Variants in GRIN3A observed in about 807,000 individuals in gnomAD.
The protein encoded by GRIN3A is glutamate receptor ionotropic, NMDA 3A.
In GRIN3A, 47 loss-of-function variants were observed where a neutral mutation model predicts 92.4. The ratio of observed to expected loss-of-function variants is 0.51; its 90% CI spans 0.40 to 0.65. The LOEUF (loss-of-function observed/expected upper bound fraction) is 0.65. Among genes scored for constraint, GRIN3A ranks in the 30% least tolerant of loss-of-function variants. The probability of loss-of-function intolerance (pLI) is 0.00; values close to 1 mark genes in which losing one functional copy is unlikely to be tolerated. For synonymous variants in GRIN3A, 527 were observed against 540.6 expected (o/e 0.97, Z 0.35); for missense variants, 1,324 against 1,393.1 (o/e 0.95, Z 0.79).
At chr9:101,656,869 A>C (rs1392307966) in intron 3 of GRIN3A, among the ~76,000 whole-genome samples, 3 of 151,896 alleles carry the variant, frequency 2.0e-5, no homozygotes, top group Non-Finnish European at 4.4e-5. Flanking sequence ...CAGGGATTTG[A>C]ATCTTGGCAG....
intron 1 of GRIN3A, among the ~76,000 whole-genome samples, chr9:101,732,634 G>GA (rs1318417417): frequency 6.6e-5 from 10 of 152,096 alleles, no homozygotes; most frequent in Middle Eastern, 3.2e-3. Flanking sequence ...GGTGTAAGGG[G>GA]AATGCAAACA....
chr9:101,719,508 T>C (rs551828292), intron 1 of GRIN3A, among the ~76,000 whole-genome samples: 39 of 152,170 alleles, frequency 2.6e-4, no homozygotes, highest in African/African-American at 7.7e-4. Flanking sequence ...TTAGGAGCCA[T>C]TGAAATACTG....
chr9:101,668,556 G>A (rs1267781317), intron 3 of GRIN3A, among the ~76,000 whole-genome samples: 1 of 152,110 alleles, frequency 6.6e-6, no homozygotes, highest in Non-Finnish European at 1.5e-5. Flanking sequence ...GAATGCAGAA[G>A]CATCACCAAC....
intron 3 of GRIN3A, among the ~76,000 whole-genome samples, chr9:101,660,928 A>G (rs1829164319): frequency 6.6e-6 from 1 of 151,862 alleles, no homozygotes; most frequent in Non-Finnish European, 1.5e-5. Flanking sequence ...TTTACTGAAT[A>G]TTTACTGTTC....
chr9:101,684,017 T>C (rs570766939), intron 2 of GRIN3A, among the ~76,000 whole-genome samples: 3 of 152,146 alleles, frequency 2.0e-5, no homozygotes, highest in African/African-American at 7.2e-5. Flanking sequence ...AAACAGAAAG[T>C]TACTTTTCTT....
chr9:101,682,810 G>A (rs936088891), intron 2 of GRIN3A, among the ~76,000 whole-genome samples: 1 of 151,988 alleles, frequency 6.6e-6, no homozygotes, highest in Non-Finnish European at 1.5e-5. Flanking sequence ...GTGAAACCCC[G>A]TCTCTACTAA....
At chr9:101,719,444 G>C (rs1375156757) in intron 1 of GRIN3A, among the ~76,000 whole-genome samples, 1 of 151,332 alleles carries the variant, frequency 6.6e-6, no homozygotes, top group African/African-American at 2.4e-5. Context: ...AGGTGGTAAA[G>C]GATGGGTTAG....
intron 7 of GRIN3A, among the ~76,000 whole-genome samples, chr9:101,578,695 T>C (rs904874368): frequency 1.3e-5 from 2 of 152,132 alleles, no homozygotes; most frequent in Non-Finnish European, 2.9e-5. Flanking sequence ...TGTAAATCAG[T>C]GCGTTGATGT....
chr9:101,623,410 G>A lies in GRIN3A; in HGVS notation c.2522C>T (p.Ala841Val), dbSNP rs1296831327. ...YLKNDPEKLD[A>V]FIMDKALLDY... is the part of the protein sequence containing the mutation. ...CAGAAGGGCTTTGTCCATGATGAAGGCGTCTAGTTTCTCTGGATCATTCCT... is the reference window on the plus strand; with the variant it reads ...CAGAAGGGCTTTGTCCATGATGAAGACGTCTAGTTTCTCTGGATCATTCCT... Residue 841 changes from alanine to valine, a missense_variant, in exon 5 of 9, where the codon GCC becomes GTC. Physicochemically the swap from Ala to Val is moderately conservative, Grantham distance 64 (BLOSUM62 0). Transcript: ENST00000361820. 6.2e-7 allele frequency: 1 copy of A among 1,611,924 alleles called. No individual in the cohort carries two copies.
intron 5 of GRIN3A, among the ~76,000 whole-genome samples, chr9:101,618,510 C>A (rs937979625): frequency 2.0e-5 from 3 of 152,090 alleles, no homozygotes; most frequent in African/African-American, 7.2e-5. Flanking sequence ...CCATCTCACA[C>A]CAGTTAGAAT....
At chr9:101,634,226 G>A (rs538474907) in intron 3 of GRIN3A, among the ~76,000 whole-genome samples, 4 of 151,370 alleles carry the variant, frequency 2.6e-5, no homozygotes, top group Non-Finnish European at 2.9e-5. Flanking sequence ...CCAGGTATTC[G>A]GGAGGCTGAG....
chr9:101,738,269 C>T lies in GRIN3A; in HGVS notation c.-290G>A. On this transcript the variant is annotated 5_prime_UTR_variant, in exon 1 of 9. Transcript: ENST00000361820. ...GCGCCTGTCACCCGCAGCTGGAGCG[C>T]CCGTTCCCTGCCCGCCCCATCTGCA... 1 of 473,132 alleles carries T rather than the reference C, an allele frequency of 2.1e-6. No individual in the cohort carries two copies. The highest frequency in any genetic ancestry group is 3.8e-6 in the Non-Finnish European group (1 of 263,352). The allele number at this position is 473,132 out of a possible 1,614,324, so 29.3% of individuals were successfully genotyped here. A position where few individuals can be genotyped will look rare whatever the true frequency, so the allele number is the denominator to read the frequency against.
chr9:101,594,255 C>T lies in GRIN3A; in HGVS notation c.2767-14895G>A, dbSNP rs1246073120. ...ATTCAGAGAAGGAGAATTAATAGCA[C>T]TGAGTTGGTGATGAAGCTCCTGTTA... is the stretch of plus-strand genomic sequence containing the variant. On this transcript the variant is annotated intron_variant, in intron 6 of 8. Transcript: ENST00000361820. 7.5e-6 allele frequency: 7 copies of T among 939,334 alleles called. No individual in the cohort carries two copies. The Admixed American group carries it at 2.1e-4, about 28-fold the overall frequency. 58.2% of individuals were successfully genotyped at this position (939,334 alleles called of 1,614,324 possible).
At chr9:101,577,039 AC>A (rs1453271015) in intron 8 of GRIN3A, among the ~76,000 whole-genome samples, 1 of 152,184 alleles carries the variant, frequency 6.6e-6, no homozygotes, top group Non-Finnish European at 1.5e-5. Context: ...ATCTTTAGTC[AC>A]CATGAAATAG....
chr9:101,648,963 A>G (rs1012879442), intron 3 of GRIN3A, among the ~76,000 whole-genome samples: 39 of 152,038 alleles, frequency 2.6e-4, no homozygotes, highest in African/African-American at 8.9e-4. Flanking sequence ...CATTGCATTG[A>G]ACTTAACTCA....
chr9:101,724,616 G>T (rs550872252), intron 1 of GRIN3A, among the ~76,000 whole-genome samples: 1 of 152,374 alleles, frequency 6.6e-6, no homozygotes, highest in East Asian at 1.9e-4. Flanking sequence ...CCCAGGCAGA[G>T]GAGGCGCCCA....
At chr9:101,659,838 A>G (rs1050016529) in intron 3 of GRIN3A, among the ~76,000 whole-genome samples, 13 of 151,856 alleles carry the variant, frequency 8.6e-5, no homozygotes, top group Non-Finnish European at 4.4e-5. Context: ...AAGTAATACA[A>G]CTGCAGTTAT....
intron 3 of GRIN3A, among the ~76,000 whole-genome samples, chr9:101,632,781 T>A (rs1828732555): frequency 6.6e-6 from 1 of 152,150 alleles, no homozygotes; most frequent in Admixed American, 6.5e-5. Context: ...CTGTGTGTAA[T>A]TCAGACAGCC....
chr9:101,623,952 C>T (rs565670649), intron 4 of GRIN3A, among the ~76,000 whole-genome samples: 34 of 152,294 alleles, frequency 2.2e-4, no homozygotes, highest in Non-Finnish European at 4.0e-4. Flanking sequence ...GCTGAGCTTC[C>T]ACCTACAAAG....
Sources: allele counts gnomAD v4.1 joint callset (sites outside exome capture counted in the v4.1 genomes callset), GRCh38; gene constraint gnomAD v4.1.1; transcripts MANE v1.5; gene names NCBI Gene and HGNC (gene_info 2026-07-23, HGNC 2026-07-21).